Variants in AUTS2 observed in about 807,000 individuals in gnomAD.
The protein encoded by AUTS2 is activator of transcription and developmental regulator AUTS2.
In AUTS2, 17 loss-of-function variants were observed where a neutral mutation model predicts 112.4. That is an observed-to-expected ratio of 0.15 (90% CI 0.10 to 0.23). AUTS2 has a LOEUF of 0.23. AUTS2 is among the 10% of genes least tolerant of loss of function. The pLI, the probability that AUTS2 is intolerant of heterozygous loss-of-function variation, is 1.00. For missense variants in AUTS2, 1,510 were observed against 1,701.6 expected, an observed-to-expected ratio of 0.89 and a Z score of 1.98; for synonymous variants, 751 against 702.7, an observed-to-expected ratio of 1.07 and a Z score of -1.09.
At chr7:69,716,698 C>A (rs555685956) in intron 1 of AUTS2, among the ~76,000 whole-genome samples, 15 of 152,218 alleles carry the variant, frequency 9.9e-5, no homozygotes, top group African/African-American at 3.6e-4. Flanking sequence ...CAACTGCCCC[C>A]GACTTCAGAC....
At chr7:70,654,810 T>C (rs910289476) in intron 5 of AUTS2, among the ~76,000 whole-genome samples, 1 of 152,234 alleles carries the variant, frequency 6.6e-6, no homozygotes, top group Non-Finnish European at 1.5e-5. Flanking sequence ...CTTGGTACTT[T>C]CTCTCAGTGG....
chr7:70,646,809 T>C (rs996267006), intron 5 of AUTS2, among the ~76,000 whole-genome samples: 8 of 152,216 alleles, frequency 5.3e-5, no homozygotes, highest in Non-Finnish European at 8.8e-5. Context: ...GCAGCAGGGC[T>C]GGCCCAGAAG....
chr7:70,115,762 C>T (rs548966150), intron 2 of AUTS2, among the ~76,000 whole-genome samples: 1 of 152,126 alleles, frequency 6.6e-6, no homozygotes, highest in East Asian at 1.9e-4. Flanking sequence ...ACTTTATTAT[C>T]AGTATAACTA....
intron 1 of AUTS2, among the ~76,000 whole-genome samples, chr7:69,632,492 T>C (rs1196818138): frequency 6.6e-6 from 1 of 151,802 alleles, no homozygotes; most frequent in African/African-American, 2.4e-5. Context: ...TGACGTGCTC[T>C]CCTTTCTCCT....
intron 1 of AUTS2, among the ~76,000 whole-genome samples, chr7:69,886,144 T>G (rs911741615): frequency 3.3e-5 from 5 of 152,184 alleles, no homozygotes; most frequent in African/African-American, 1.2e-4. Context: ...GGTATTGAGG[T>G]AGATTGGTCT....
At chr7:70,248,413 C>T (rs2030706) in intron 4 of AUTS2, among the ~76,000 whole-genome samples, 33,146 of 152,050 alleles carry the variant, frequency 0.22, 3,600 homozygotes, top group Middle Eastern at 0.32. Context: ...CATGAGCCAC[C>T]GTGCCCAGCC....
At chr7:70,664,010 G>A (rs1807208244) in intron 5 of AUTS2, among the ~76,000 whole-genome samples, 2 of 152,148 alleles carry the variant, frequency 1.3e-5, no homozygotes, top group Admixed American at 6.5e-5. Context: ...CTCCACCAAG[G>A]CAGAAATGAA....
At chr7:70,284,765 G>A (rs1053404449) in intron 4 of AUTS2, among the ~76,000 whole-genome samples, 3 of 152,188 alleles carry the variant, frequency 2.0e-5, no homozygotes, top group Non-Finnish European at 4.4e-5. Context: ...GTGATGTAGA[G>A]ATGGGGTCTG....
chr7:70,496,944 A>C (rs1585218602), intron 5 of AUTS2, among the ~76,000 whole-genome samples: 2 of 131,842 alleles, frequency 1.5e-5, no homozygotes, highest in African/African-American at 5.9e-5. Flanking sequence ...ACACACGCAC[A>C]CCCCACACAT....
chr7:70,408,671 G>A (rs572997045), intron 4 of AUTS2, among the ~76,000 whole-genome samples: 2 of 152,288 alleles, frequency 1.3e-5, no homozygotes, highest in South Asian at 2.1e-4. Context: ...CCAGTCAGCA[G>A]GGAGCTGCTT....
At chr7:70,356,795 A>G (rs1792032701) in intron 4 of AUTS2, among the ~76,000 whole-genome samples, 1 of 151,338 alleles carries the variant, frequency 6.6e-6, no homozygotes, top group South Asian at 2.1e-4. Flanking sequence ...ATCAGTGGAG[A>G]CTTTGTTTAA....
rs143642577 is a variant in AUTS2 at position 70,601,164 on chromosome 7, G to A, written c.691-97405G>A. Among the ~76,000 whole-genome samples, 816 of 152,220 alleles carry A rather than the reference G, an allele frequency of 5.4e-3. 6 individuals are homozygous for A. The highest frequency in any genetic ancestry group is 0.018 in the African/African-American group (764 of 41,522). On this transcript the variant is annotated intron_variant, in intron 5 of 18. Transcript: ENST00000342771. ...AGTTTATGAGAGTTCCAGTTTCTCCGTATTATCTCCAACACTTGTTAATAT... is the reference window on the plus strand; with the variant it reads ...AGTTTATGAGAGTTCCAGTTTCTCCATATTATCTCCAACACTTGTTAATAT...
chr7:69,945,815 A>G (rs1317436054), intron 2 of AUTS2, among the ~76,000 whole-genome samples: 1 of 152,020 alleles, frequency 6.6e-6, no homozygotes, highest in Non-Finnish European at 1.5e-5. Context: ...GGCAACCACC[A>G]TTCTACTCTC....
At chr7:70,187,775 CTTTTTT>C (rs71077627) in intron 4 of AUTS2, among the ~76,000 whole-genome samples, 166 of 110,314 alleles carry the variant, frequency 1.5e-3, no homozygotes, top group South Asian at 2.8e-3. Context: ...AACTAGTCTT[CTTTTTT>C]TTTTTTTTTT....
At position 70,630,791 on chromosome 7, in the gene AUTS2, C is replaced by G. The variant is rs562480299; in HGVS notation, c.691-67778C>G. On this transcript the variant is annotated intron_variant, in intron 5 of 18. Coordinates refer to ENST00000342771, the MANE Select transcript of AUTS2 (RefSeq NM_015570.4). ...GACCCATTTCATACAAAATTTGAAG[C>G]CTGTGTTTATTGCCCATTAAAGCAA... Among the ~76,000 whole-genome samples the G allele has an allele frequency of 1.6e-4, 25 of 152,290 alleles. No homozygotes were observed. In the East Asian group the frequency reaches 1.9e-3, roughly 12 times the overall value.
At position 70,763,281 on chromosome 7, in the gene AUTS2, A is replaced by G. The variant is rs762954146; in HGVS notation, c.1154A>G (p.Gln385Arg). 2.5e-6 allele frequency: 4 copies of G among 1,609,306 alleles called. No individual in the cohort carries two copies. Among genetic ancestry groups the G allele is most frequent in the Non-Finnish European group, 3.4e-6 (4 of 1,177,288 alleles). Residue 385 changes from glutamine (Q) to arginine (R), a missense_variant, in exon 7 of 19, where the codon CAG (glutamine) becomes CGG (arginine). Coordinates refer to ENST00000342771, the MANE Select transcript of AUTS2 (RefSeq NM_015570.4). ...CCTGTGCAGGCCCACCCCTCTGCTC[A>G]GAGCCTCTCCCAGCCATTGTCAGCC... ...LPPVQAHPSA[Q>R]SLSQPLSAYN...
intron 4 of AUTS2, among the ~76,000 whole-genome samples, chr7:70,255,633 A>G (rs1484910898): frequency 6.6e-6 from 1 of 152,088 alleles, no homozygotes; most frequent in African/African-American, 2.4e-5. Flanking sequence ...TCATAGTAAT[A>G]TCCTTCAAAA....
chr7:69,740,132 T>C (rs538977929), intron 1 of AUTS2, among the ~76,000 whole-genome samples: 1 of 152,330 alleles, frequency 6.6e-6, no homozygotes, highest in South Asian at 2.1e-4. Flanking sequence ...TGGGGAAGTG[T>C]GTCTGGCCCT....
intron 2 of AUTS2, among the ~76,000 whole-genome samples, chr7:69,940,724 G>A (rs571784932): frequency 2.6e-5 from 4 of 152,318 alleles, no homozygotes; most frequent in African/African-American, 9.6e-5. Flanking sequence ...GAGGACAAGA[G>A]TGCAGTCAGG....
Sources: allele counts gnomAD v4.1 joint callset (sites outside exome capture counted in the v4.1 genomes callset), GRCh38; gene constraint gnomAD v4.1.1; transcripts MANE v1.5; gene names NCBI Gene and HGNC (gene_info 2026-07-23, HGNC 2026-07-21).